Variants in JMY observed in about 807,000 individuals in gnomAD.
The protein encoded by JMY is junction mediating and regulatory protein, p53 cofactor.
Under a neutral mutation model 103.3 loss-of-function variants are expected in JMY, and 46 were observed. That is an observed-to-expected ratio of 0.45 (90% CI 0.35 to 0.57). The LOEUF (loss-of-function observed/expected upper bound fraction) is 0.57. JMY is among the 20% of genes least tolerant of loss of function. The pLI is 0.00. For synonymous variants in JMY, 526 were observed against 489.3 expected (o/e 1.07, Z -0.99); for missense variants, 1,238 against 1,255.2 (o/e 0.99, Z 0.21).
At chr5:79,259,463 C>T (rs1394691141) in intron 1 of JMY, among the ~76,000 whole-genome samples, 2 of 152,228 alleles carry the variant, frequency 1.3e-5, no homozygotes, top group Non-Finnish European at 2.9e-5. Context: ...CAGGCCCTCC[C>T]CGACTTGAAG....
chr5:79,295,311 G>A (rs551657040), intron 4 of JMY, among the ~76,000 whole-genome samples: 50 of 152,328 alleles, frequency 3.3e-4, no homozygotes, highest in African/African-American at 1.2e-3. Context: ...CATGTGGCTT[G>A]TGGCTACCTT....
At position 79,324,405 on chromosome 5, in the gene JMY, C is replaced by T. The variant is rs1019386066; in HGVS notation, c.*2803C>T. The T allele has an allele frequency of 3.3e-5, 5 of 152,122 alleles. No individual in the cohort carries two copies. The highest frequency in any genetic ancestry group is 4.8e-5 in the African/African-American group (2 of 41,418). The allele number at this position is 152,122 out of a possible 1,614,324, so 9.4% of individuals were successfully genotyped here. On this transcript the variant is annotated 3_prime_UTR_variant, in exon 11 of 11. Transcript: ENST00000396137. ...ATATATGATTTCTGTATCCACAAACCGCTGTTTGCTTATGCTGAGTCAATT... is the reference window on the plus strand; with the variant it reads ...ATATATGATTTCTGTATCCACAAACTGCTGTTTGCTTATGCTGAGTCAATT...
chr5:79,291,095 T>C (rs1345994358), intron 3 of JMY, 35 bp from the exon 4 acceptor site: 2 of 1,448,128 alleles, frequency 1.4e-6, no homozygotes. Context: ...TAAGTTGTTA[T>C]TTGTCTTAAT....
intron 1 of JMY, among the ~76,000 whole-genome samples, chr5:79,238,142 C>G (rs1050867220): frequency 6.6e-6 from 1 of 152,102 alleles, no homozygotes; most frequent in Non-Finnish European, 1.5e-5. Context: ...GTGTGGCAAC[C>G]TACGCAAATT....
intron 1 of JMY, among the ~76,000 whole-genome samples, chr5:79,248,956 T>A (rs1199250104): frequency 6.6e-6 from 1 of 152,076 alleles, no homozygotes; most frequent in African/African-American, 2.4e-5. Flanking sequence ...AGAGAAGAGG[T>A]CTCACTGTGT....
Position 79,284,806 on chromosome 5 carries a change from A to G in JMY, c.1207-5315A>G. On this transcript the variant is annotated intron_variant, in intron 2 of 10. Coordinates refer to ENST00000396137, the MANE Select transcript of JMY (RefSeq NM_152405.5). ...CTTTCCAATATTTCTTATATTGAAC[A>G]TAGCAGGTGCTTTCACATCATACCA... is the stretch of plus-strand genomic sequence containing the variant. 3 of 1,578,208 alleles carry G rather than the reference A, an allele frequency of 1.9e-6. 1 individual carries two copies. In the South Asian group the frequency reaches 3.3e-5, roughly 17 times the overall value.
chr5:79,265,010 C>G (rs1270220688), intron 1 of JMY, among the ~76,000 whole-genome samples: 2 of 152,184 alleles, frequency 1.3e-5, no homozygotes, highest in East Asian at 3.8e-4. Flanking sequence ...TAAGCCCTGC[C>G]TCCCAGGTTC....
intron 10 of JMY, among the ~76,000 whole-genome samples, chr5:79,316,862 T>G: frequency 7.5e-6 from 1 of 132,868 alleles, no homozygotes; most frequent in African/African-American, 2.9e-5. Context: ...GCTGAGATCG[T>G]GCCACTGCCC....
Position 79,306,455 on chromosome 5 carries a change from A to G in JMY, c.1962A>G (p.Val654=). The change falls in exon 7 of 11, where the codon GTA becomes GTG. Residue 654 remains valine, a synonymous_variant. Transcript: ENST00000396137. ...IEDEYRTHHT[V]QLKREKLHDE... is the part of the protein sequence containing the mutation. ...ATGAATATAGAACCCATCACACAGTACAACTAGTAAGTTTGGATTCGAAGA... is the reference window on the plus strand; with the variant it reads ...ATGAATATAGAACCCATCACACAGTGCAACTAGTAAGTTTGGATTCGAAGA... The G allele has an allele frequency of 6.2e-7, 1 of 1,605,668 alleles. No individual in the cohort carries two copies. The highest frequency in any genetic ancestry group is 1.3e-5 in the African/African-American group (1 of 74,842).
intron 1 of JMY, among the ~76,000 whole-genome samples, chr5:79,269,278 G>T (rs1364173185): frequency 6.6e-6 from 1 of 152,012 alleles, no homozygotes; most frequent in Non-Finnish European, 1.5e-5. Flanking sequence ...TTTATTTTTG[G>T]ACTCTATTCT....
At chr5:79,273,333 G>T (rs1230154070) in intron 1 of JMY, among the ~76,000 whole-genome samples, 2 of 152,074 alleles carry the variant, frequency 1.3e-5, no homozygotes, top group African/African-American at 4.8e-5. Flanking sequence ...ATGTTTTGTT[G>T]TGTTTTGTTT....
At chr5:79,256,705 T>C (rs1745253737) in intron 1 of JMY, among the ~76,000 whole-genome samples, 1 of 152,158 alleles carries the variant, frequency 6.6e-6, no homozygotes, top group South Asian at 2.1e-4. Flanking sequence ...CACCTGTCCT[T>C]CTTTCTTTCT....
chr5:79,266,083 A>G (rs913763307), intron 1 of JMY, among the ~76,000 whole-genome samples: 1 of 151,928 alleles, frequency 6.6e-6, no homozygotes, highest in African/African-American at 2.4e-5. Context: ...TGCCTGGCCA[A>G]CTTTTCTTAG....
intron 10 of JMY, 90 bp downstream of exon 10, chr5:79,316,400 G>T (rs1418473185): frequency 3.0e-6 from 3 of 993,364 alleles, no homozygotes; most frequent in Admixed American, 5.7e-5. Context: ...TGAGCCTGAG[G>T]CATATCGTTT....
rs776116341 is a variant in JMY at position 79,324,298 on chromosome 5, G to T, written c.*2696G>T. 4 of 152,050 alleles carry T rather than the reference G, an allele frequency of 2.6e-5. No individual in the cohort carries two copies. In the East Asian group the frequency reaches 7.7e-4, roughly 29 times the overall value. The allele number at this position is 152,050 out of a possible 1,614,324, so 9.4% of individuals were successfully genotyped here. ...AATATGTGTATATTTAGTTATGATG[G>T]TACTTGTAGATGCTCACATTTCCAG... is the stretch of plus-strand genomic sequence containing the variant. On this transcript the variant is annotated 3_prime_UTR_variant, in exon 11 of 11. Coordinates refer to ENST00000396137, the MANE Select transcript of JMY (RefSeq NM_152405.5).
intron 1 of JMY, among the ~76,000 whole-genome samples, chr5:79,259,900 G>A (rs1745365957): frequency 1.3e-5 from 2 of 152,206 alleles, no homozygotes; most frequent in Non-Finnish European, 1.5e-5. Flanking sequence ...GCCACCCCTG[G>A]GAGGGTGGGA....
rs116552438 is a variant in JMY at position 79,280,086 on chromosome 5, T to C, written c.1206+2003T>C. ...CCAGAACTCTTGAACTCCAGCAATC[T>C]GCCCACCTTGATTGCCCAAAGTGCT... is the stretch of plus-strand genomic sequence containing the variant. On this transcript the variant is annotated intron_variant, in intron 2 of 10. Coordinates refer to ENST00000396137, the MANE Select transcript of JMY (RefSeq NM_152405.5). 6.5e-3 allele frequency among the ~76,000 whole-genome samples: 997 copies of C among 152,290 alleles called. 5 individuals are homozygous for C. The highest frequency in any genetic ancestry group is 0.011 in the Non-Finnish European group (769 of 68,022).
At position 79,236,570 on chromosome 5, in the gene JMY, G is replaced by C; in HGVS notation, c.-81G>C. 2 of 1,163,538 alleles carry C rather than the reference G, an allele frequency of 1.7e-6. No homozygotes were observed. The highest frequency in any genetic ancestry group is 2.2e-6 in the Non-Finnish European group (2 of 902,446). The allele number at this position is 1,163,538 out of a possible 1,614,324, so 72.1% of individuals were successfully genotyped here. ...TGAAGGCGCCCGGCGAGGGTGAGCG[G>C]GGGGCGCGGCGCAGCCAGCGGGGAG... On this transcript the variant is annotated 5_prime_UTR_variant, in exon 1 of 11. Transcript: ENST00000396137.
At chr5:79,279,501 T>C (rs920893527) in intron 2 of JMY, among the ~76,000 whole-genome samples, 2 of 152,198 alleles carry the variant, frequency 1.3e-5, no homozygotes, top group African/African-American at 4.8e-5. Context: ...ATAGGTTAAG[T>C]TGGAATATCA....
Sources: allele counts gnomAD v4.1 joint callset (sites outside exome capture counted in the v4.1 genomes callset), GRCh38; gene constraint gnomAD v4.1.1; transcripts MANE v1.5; gene names NCBI Gene and HGNC (gene_info 2026-07-23, HGNC 2026-07-21).